The following MED26 variants were observed in gnomAD, a reference collection of about 807,000 sequenced individuals.
MED26 encodes mediator of RNA polymerase II transcription subunit 26.
MED26 carries 7 observed loss-of-function variants against 43.7 expected under a neutral mutation model. The observed-to-expected ratio is 0.16, with a 90% CI of 0.09 to 0.30. The LOEUF (loss-of-function observed/expected upper bound fraction) is 0.30. MED26 is among the 10% of genes least tolerant of loss of function. The probability of loss-of-function intolerance (pLI) is 1.00; values close to 1 mark genes in which losing one functional copy is unlikely to be tolerated. For missense variants in MED26, 784 were observed against 840.6 expected, an observed-to-expected ratio of 0.93 and a Z score of 0.83; for synonymous variants, 375 against 371.1, an observed-to-expected ratio of 1.01 and a Z score of -0.12.
rs76734157 is a variant in MED26, at chr19:16,601,800, C to T, written c.73-23391G>A. Among the ~76,000 whole-genome samples, 299 of 152,360 alleles carry T rather than the reference C, an allele frequency of 2.0e-3. 2 individuals carry two copies. Among genetic ancestry groups the T allele is most frequent in the African/African-American group, 6.5e-3 (272 of 41,574 alleles). On this transcript the variant is annotated intron_variant, in intron 1 of 2. Coordinates refer to ENST00000263390, the MANE Select transcript of MED26 (RefSeq NM_004831.5). ...GGGGACACCTCCCGGCAGGCCACCCCGGGCCATGCTCAGCTCAGGGAGTGA... is the reference window on the plus strand; with the variant it reads ...GGGGACACCTCCCGGCAGGCCACCCTGGGCCATGCTCAGCTCAGGGAGTGA...
At position 16,575,944 on chromosome 19, in the gene MED26, T is replaced by A; in HGVS notation, c.*83A>T. ...CCGAGTTCCCAGCGCAGGAGGCAGC[T>A]GGGCCCCGGCCACCTGCCCACCTGC... On this transcript the variant is annotated 3_prime_UTR_variant, in exon 3 of 3. Transcript: ENST00000263390. The A allele has an allele frequency of 2.3e-6, 3 of 1,304,124 alleles. No homozygotes were observed. The highest frequency in any genetic ancestry group is 3.2e-6 in the Non-Finnish European group (3 of 945,226). 80.8% of individuals were successfully genotyped at this position (1,304,124 alleles called of 1,614,324 possible). A position where few individuals can be genotyped will look rare whatever the true frequency, so the allele number is the denominator to read the frequency against.
chr19:16,615,707 T>C (rs546946727), intron 1 of MED26, among the ~76,000 whole-genome samples: 28 of 151,446 alleles, frequency 1.8e-4, no homozygotes, highest in Admixed American at 8.6e-4. Flanking sequence ...GATTGCACCA[T>C]TGCACTCCAG....
At chr19:16,594,022 T>C (rs1424943163) in intron 1 of MED26, among the ~76,000 whole-genome samples, 2 of 152,178 alleles carry the variant, frequency 1.3e-5, no homozygotes, top group African/African-American at 4.8e-5. Flanking sequence ...CAAATTGTTA[T>C]ATAAGGAGGG....
At position 16,577,313 on chromosome 19, in the gene MED26, G is replaced by C. The variant is rs980428416; in HGVS notation, c.517C>G (p.Leu173Val). Residue 173 changes from leucine to valine, a missense_variant, in exon 3 of 3, where the codon CTG (leucine) becomes GTG (valine). By Grantham distance (32) the Leu-to-Val change is conservative. Coordinates refer to ENST00000263390, the MANE Select transcript of MED26 (RefSeq NM_004831.5). This position sits in a 1 kb window ranked among gnomAD's most constrained non-coding sequence, Gnocchi z 8.1. Reference protein sequence around the residue: ...PKVSKASHDPLVPNSSPLPTN... With the variant: ...PKVSKASHDPVVPNSSPLPTN... ...GGGAGGGGGGATGAGTTGGGGACCA[G>C]GGGGTCGTGGCTAGCTTTGGAGACC... is the stretch of plus-strand genomic sequence containing the variant. 12 of 1,611,746 alleles carry C rather than the reference G, an allele frequency of 7.4e-6. No individual in the cohort carries two copies. The highest frequency in any genetic ancestry group is 3.3e-5 in the Admixed American group (2 of 59,988).
chr19:16,619,802 T>G (rs1360184272), intron 1 of MED26, among the ~76,000 whole-genome samples: 3 of 151,248 alleles, frequency 2.0e-5, no homozygotes, highest in Non-Finnish European at 4.4e-5. Flanking sequence ...AATACCCGAG[T>G]CTCCACAGCA....
chr19:16,617,688 G>A (rs2086232352), intron 1 of MED26, among the ~76,000 whole-genome samples: 1 of 152,190 alleles, frequency 6.6e-6, no homozygotes, highest in South Asian at 2.1e-4. Context: ...AAAAAGCTGG[G>A]GAGCAAATGC....
At chr19:16,617,851 G>A (rs2086233023) in intron 1 of MED26, among the ~76,000 whole-genome samples, 1 of 152,158 alleles carries the variant, frequency 6.6e-6, no homozygotes, top group Non-Finnish European at 1.5e-5. Flanking sequence ...AGAAGTGAAG[G>A]TGGAATACCC....
chr19:16,600,099 A>G (rs541528616), intron 1 of MED26, among the ~76,000 whole-genome samples: 1 of 152,254 alleles, frequency 6.6e-6, no homozygotes, highest in Non-Finnish European at 1.5e-5. Context: ...GCCCAGGCCC[A>G]GGCCCACCAG....
At chr19:16,602,394 C>T (rs2086154076) in intron 1 of MED26, among the ~76,000 whole-genome samples, 1 of 152,168 alleles carries the variant, frequency 6.6e-6, no homozygotes, top group Non-Finnish European at 1.5e-5. Flanking sequence ...ACTACCCTCT[C>T]CCCTCAACTG....
At chr19:16,603,786 G>A (rs1313532487) in intron 1 of MED26, among the ~76,000 whole-genome samples, 1 of 152,186 alleles carries the variant, frequency 6.6e-6, no homozygotes, top group Non-Finnish European at 1.5e-5. Context: ...CATTAGGGAA[G>A]GGTCTCTGGC....
chr19:16,620,300 C>T (rs77197804), intron 1 of MED26, among the ~76,000 whole-genome samples: 7,870 of 152,282 alleles, frequency 0.052, 285 homozygotes, highest in South Asian at 0.064. Context: ...CCAACCCCAG[C>T]CTCATCCCAT....
At chr19:16,627,634 G>A (rs1054867225) in intron 1 of MED26, among the ~76,000 whole-genome samples, 3 of 152,228 alleles carry the variant, frequency 2.0e-5, no homozygotes, top group African/African-American at 7.2e-5. Flanking sequence ...CAGCTCCCCC[G>A]TCTGCTTCCT....
chr19:16,626,976 C>T (rs2086280360), intron 1 of MED26, among the ~76,000 whole-genome samples: 1 of 140,664 alleles, frequency 7.1e-6, no homozygotes, highest in African/African-American at 2.6e-5. Flanking sequence ...GGGGGCGGTC[C>T]CTCCGCAAAC....
At chr19:16,611,956 A>G (rs1310524191) in intron 1 of MED26, 1 of 152,162 alleles carries the variant, frequency 6.6e-6, no homozygotes, top group Non-Finnish European at 1.5e-5. Flanking sequence ...CACCAAGCTC[A>G]GCCTGTAAAT....
At chr19:16,595,314 C>A (rs140599567) in intron 1 of MED26, among the ~76,000 whole-genome samples, 1 of 152,118 alleles carries the variant, frequency 6.6e-6, no homozygotes, top group Admixed American at 6.5e-5. Context: ...CTGTGCTGAC[C>A]GAGCACACCG....
chr19:16,625,869 A>G (rs1025245495), intron 1 of MED26, among the ~76,000 whole-genome samples: 1 of 152,188 alleles, frequency 6.6e-6, no homozygotes, highest in Non-Finnish European at 1.5e-5. Flanking sequence ...CTCATTGTTC[A>G]TAGTCAAGAA....
intron 1 of MED26, among the ~76,000 whole-genome samples, chr19:16,609,311 C>CAA (rs777358965): frequency 0.054 from 1,339 of 24,856 alleles, 251 homozygotes; most frequent in African/African-American, 0.12. Context: ...GACTCCGTCT[C>CAA]AAAAAAAAAA....
At chr19:16,625,632 C>A (rs1321816053) in intron 1 of MED26, among the ~76,000 whole-genome samples, 5 of 151,892 alleles carry the variant, frequency 3.3e-5, no homozygotes, top group African/African-American at 1.2e-4. Context: ...GAGGAGAGAG[C>A]GGCACGCCGG....
chr19:16,616,640 T>A (rs996266633), intron 1 of MED26, among the ~76,000 whole-genome samples: 4 of 152,016 alleles, frequency 2.6e-5, no homozygotes, highest in Non-Finnish European at 4.4e-5. Flanking sequence ...TGTATCCACT[T>A]TGGAGTGGGC....
Sources: allele counts gnomAD v4.1 joint callset (sites outside exome capture counted in the v4.1 genomes callset), GRCh38; gene constraint gnomAD v4.1.1; non-coding constraint Gnocchi (gnomAD v3.1); transcripts MANE v1.5; gene names NCBI Gene and HGNC (gene_info 2026-07-23, HGNC 2026-07-21).